VRK2: variants seen among roughly 807,000 people sequenced by gnomAD.
VRK2 encodes the protein VRK serine/threonine kinase 2.
VRK2 carries 60 observed loss-of-function variants against 57.6 expected under a neutral mutation model. The observed-to-expected ratio is 1.04, with a 90% CI of 0.85 to 1.29. The LOEUF (loss-of-function observed/expected upper bound fraction) is 1.29. Ranked by LOEUF, VRK2 falls within the 50% of genes most tolerant of loss-of-function variation. The probability of loss-of-function intolerance (pLI) is 0.00; values close to 1 mark genes in which losing one functional copy is unlikely to be tolerated. For missense variants in VRK2, 705 were observed against 588.1 expected (o/e 1.20, Z -2.06); for synonymous variants, 231 against 199.2 (o/e 1.16, Z -1.35).
chr2:58,071,496 C>A (rs1475469745), intron 2 of VRK2, among the ~76,000 whole-genome samples: 1 of 152,034 alleles, frequency 6.6e-6, no homozygotes, highest in Non-Finnish European at 1.5e-5. Context: ...TGTCTAGATT[C>A]ACATTTTTGC....
At chr2:57,966,123 A>G (rs1331161180) in intron 1 of VRK2, among the ~76,000 whole-genome samples, 2 of 152,226 alleles carry the variant, frequency 1.3e-5, no homozygotes, top group African/African-American at 4.8e-5. Context: ...GACTTACTAC[A>G]GCAGAGCAAG....
chr2:57,975,938 A>C (rs1558521638), intron 1 of VRK2, among the ~76,000 whole-genome samples: 1 of 151,500 alleles, frequency 6.6e-6, no homozygotes, highest in Non-Finnish European at 1.5e-5. Context: ...CTTCAGGTAG[A>C]CTCCAGTGTC....
intron 2 of VRK2, among the ~76,000 whole-genome samples, chr2:58,074,895 GTTTC>G (rs1461369955): frequency 6.6e-6 from 1 of 151,978 alleles, no homozygotes; most frequent in Non-Finnish European, 1.5e-5. Flanking sequence ...TTATTATTTA[GTTTC>G]TTTCCTATTT....
chr2:58,141,452 A>G (rs1234461841), intron 11 of VRK2, among the ~76,000 whole-genome samples: 1 of 152,000 alleles, frequency 6.6e-6, no homozygotes, highest in African/African-American at 2.4e-5. Flanking sequence ...ATGAGCCTCC[A>G]TCAAGAATAT....
intron 1 of VRK2, among the ~76,000 whole-genome samples, chr2:57,991,752 C>T (rs1672773392): frequency 6.6e-6 from 1 of 151,068 alleles, no homozygotes; most frequent in African/African-American, 2.4e-5. Flanking sequence ...TCGAGACTAT[C>T]CTGGCCAACA....
chr2:57,962,204 C>T (rs1401965538), intron 1 of VRK2, among the ~76,000 whole-genome samples: 1 of 152,164 alleles, frequency 6.6e-6, no homozygotes, highest in Non-Finnish European at 1.5e-5. Context: ...AATTAGTCAA[C>T]CCTCTTCATC....
intron 2 of VRK2, among the ~76,000 whole-genome samples, chr2:58,082,539 G>A (rs966872056): frequency 6.6e-6 from 1 of 151,852 alleles, no homozygotes; most frequent in Non-Finnish European, 1.5e-5. Flanking sequence ...TAGTAAAATA[G>A]TTTGTCATAG....
intron 7 of VRK2, among the ~76,000 whole-genome samples, chr2:58,102,021 G>GGTATA (rs1476702705): frequency 6.6e-6 from 1 of 151,510 alleles, no homozygotes; most frequent in Non-Finnish European, 1.5e-5. Context: ...TATATAGCCA[G>GGTATA]GTATAGTAAC....
intron 1 of VRK2, among the ~76,000 whole-genome samples, chr2:57,954,761 G>C (rs1671532587): frequency 6.6e-6 from 1 of 151,948 alleles, no homozygotes; most frequent in Non-Finnish European, 1.5e-5. Context: ...GATGGAACTT[G>C]AAATGTATCT....
At chr2:58,094,416 T>G (rs1258111461) in intron 7 of VRK2, among the ~76,000 whole-genome samples, 1 of 152,228 alleles carries the variant, frequency 6.6e-6, no homozygotes, top group Non-Finnish European at 1.5e-5. Flanking sequence ...TATTTTATTC[T>G]CTTTGAAGCA....
At chr2:57,981,101 G>A (rs1031397704) in intron 1 of VRK2, among the ~76,000 whole-genome samples, 3 of 152,124 alleles carry the variant, frequency 2.0e-5, no homozygotes, top group African/African-American at 7.2e-5. Context: ...TTTTTATGTA[G>A]ATTTGATTGT....
In VRK2 at chr2:58,126,299, G is replaced by T. The variant is rs144443355; in HGVS notation, c.676+3066G>T. Reference sequence around the variant, plus strand: ...ATGAGTTAGCCACTCAATAGAGACTGCTATTAGCCTGATCAGACTGTCTGT... The same window carrying T: ...ATGAGTTAGCCACTCAATAGAGACTTCTATTAGCCTGATCAGACTGTCTGT... On this transcript the variant is annotated intron_variant, in intron 8 of 12. Transcript: ENST00000340157. Among the ~76,000 whole-genome samples the T allele has an allele frequency of 1.1e-3, 167 of 152,228 alleles. 1 individual carries two copies. The highest frequency in any genetic ancestry group is 3.8e-3 in the African/African-American group (156 of 41,568).
chr2:58,121,568 G>A (rs887079883), intron 7 of VRK2, among the ~76,000 whole-genome samples: 1 of 152,112 alleles, frequency 6.6e-6, no homozygotes, highest in Non-Finnish European at 1.5e-5. Context: ...AGACAGCCTT[G>A]CAAGTTACTC....
intron 1 of VRK2, among the ~76,000 whole-genome samples, chr2:57,989,356 A>G (rs1259260328): frequency 6.6e-6 from 1 of 152,252 alleles, no homozygotes; most frequent in Non-Finnish European, 1.5e-5. Context: ...ACAAAGTCTC[A>G]CAGCAATATT....
chr2:58,132,064 G>C, intron 9 of VRK2, 136 bp downstream of exon 9: 1 of 1,143,378 alleles, frequency 8.7e-7, no homozygotes, highest in Non-Finnish European at 1.2e-6. Context: ...TGAAAAATAT[G>C]TTTTAAAAAA....
chr2:58,143,548 G>A (rs1322079871), intron 11 of VRK2, among the ~76,000 whole-genome samples: 1 of 151,872 alleles, frequency 6.6e-6, no homozygotes, highest in African/African-American at 2.4e-5. Context: ...GCAAATCCAG[G>A]AGGCATCATC....
rs1684607652 is a variant in VRK2 at position 58,159,160 on chromosome 2, G to A, written c.1183-189G>A. On this transcript the variant is annotated intron_variant, in intron 12 of 12. Coordinates refer to ENST00000340157, the MANE Select transcript of VRK2 (RefSeq NM_006296.7). ...AAATTATATCCAGATTTGCTTGTTG[G>A]ATGTTTATAAACTCTTAAAAAGTGT... 6 of 452,540 alleles carry A rather than the reference G, an allele frequency of 1.3e-5. No homozygotes were observed. In the South Asian group the frequency reaches 3.4e-4, roughly 26 times the overall value. The allele number at this position is 452,540 out of a possible 1,614,324, so 28.0% of individuals were successfully genotyped here.
chr2:58,006,316 G>C (rs1673242471), intron 1 of VRK2, among the ~76,000 whole-genome samples: 1 of 152,168 alleles, frequency 6.6e-6, no homozygotes, highest in Non-Finnish European at 1.5e-5. Context: ...TTGGTGGAAA[G>C]TGAAGAATGG....
At chr2:58,123,009 T>C in intron 7 of VRK2, 92 bp from the exon 8 acceptor site, 1 of 1,477,570 alleles carries the variant, frequency 6.8e-7, no homozygotes, top group African/African-American at 1.5e-5. Flanking sequence ...TCTGAGGCTG[T>C]TCTTAACCTA....
Sources: allele counts gnomAD v4.1 joint callset (sites outside exome capture counted in the v4.1 genomes callset), GRCh38; gene constraint gnomAD v4.1.1; transcripts MANE v1.5; gene names NCBI Gene and HGNC (gene_info 2026-07-23, HGNC 2026-07-21).